The following ERBB4 variants were observed in gnomAD, a reference collection of about 807,000 sequenced individuals.
ERBB4 encodes the protein receptor tyrosine-protein kinase erbB-4.
In ERBB4, 42 loss-of-function variants were observed where a neutral mutation model predicts 158.0. That is an observed-to-expected ratio of 0.27 (90% CI 0.21 to 0.34). The LOEUF (loss-of-function observed/expected upper bound fraction) is 0.34. ERBB4 is among the 10% of genes least tolerant of loss of function. The probability of loss-of-function intolerance (pLI) is 1.00; values close to 1 mark genes in which losing one functional copy is unlikely to be tolerated. For synonymous variants in ERBB4, 583 were observed against 558.7 expected (o/e 1.04, Z -0.61); for missense variants, 1,333 against 1,624.1 (o/e 0.82, Z 3.08).
chr2:211,484,871 G>T (rs148228384), intron 20 of ERBB4, among the ~76,000 whole-genome samples: 1 of 152,214 alleles, frequency 6.6e-6, no homozygotes, highest in Non-Finnish European at 1.5e-5. Context: ...CCTAGGAAAG[G>T]CCCCCTTATT....
intron 5 of ERBB4, among the ~76,000 whole-genome samples, chr2:211,733,854 G>A (rs551906692): frequency 4.6e-5 from 7 of 151,172 alleles, no homozygotes; most frequent in Non-Finnish European, 1.0e-4. Context: ...GCAGAGGCAG[G>A]CGGATCACTT....
At chr2:212,488,257 A>T (rs1690085131) in intron 1 of ERBB4, among the ~76,000 whole-genome samples, 1 of 151,618 alleles carries the variant, frequency 6.6e-6, no homozygotes, top group African/African-American at 2.4e-5. Context: ...TGGCTTCTTG[A>T]ATACCACTCT....
intron 3 of ERBB4, among the ~76,000 whole-genome samples, chr2:211,925,370 A>C (rs911114939): frequency 6.7e-6 from 1 of 148,426 alleles, no homozygotes; most frequent in Non-Finnish European, 1.5e-5. Context: ...AACAAAAACA[A>C]GACTGCTTTT....
At chr2:212,301,087 G>A (rs953059366) in intron 1 of ERBB4, among the ~76,000 whole-genome samples, 2 of 149,470 alleles carry the variant, frequency 1.3e-5, no homozygotes, top group African/African-American at 4.9e-5. Flanking sequence ...GTACTTGGCT[G>A]GATCATTATT....
intron 3 of ERBB4, among the ~76,000 whole-genome samples, chr2:211,928,351 C>A (rs1013636581): frequency 2.6e-5 from 4 of 152,026 alleles, no homozygotes; most frequent in Non-Finnish European, 5.9e-5. Context: ...AACCCACTCA[C>A]CGCAGGGAAT....
chr2:212,164,980 T>TTTTTTTTTTTTTTTGAGAC (rs2081305105), intron 1 of ERBB4, among the ~76,000 whole-genome samples: 3 of 151,912 alleles, frequency 2.0e-5, no homozygotes, highest in African/African-American at 7.3e-5. Context: ...CATTTTTAAT[T>TTTTTTTTTTTTTTTGAGAC]GTCAAGTAAC....
At chr2:212,273,553 G>C (rs1187909654) in intron 1 of ERBB4, among the ~76,000 whole-genome samples, 2 of 151,734 alleles carry the variant, frequency 1.3e-5, no homozygotes, top group Non-Finnish European at 2.9e-5. Flanking sequence ...AATCACATTA[G>C]CAGGCCAGAA....
At chr2:212,244,937 C>T (rs1047736613) in intron 1 of ERBB4, among the ~76,000 whole-genome samples, 13 of 152,106 alleles carry the variant, frequency 8.5e-5, no homozygotes, top group African/African-American at 3.1e-4. Context: ...CTCACAACAA[C>T]CCAATGAAGT....
intron 20 of ERBB4, among the ~76,000 whole-genome samples, chr2:211,433,953 A>G (rs1469393316): frequency 1.3e-5 from 2 of 152,194 alleles, no homozygotes; most frequent in Non-Finnish European, 2.9e-5. Context: ...TACGTGTAAG[A>G]GTATCTGAAC....
At chr2:211,844,866 A>T (rs2077554395) in intron 3 of ERBB4, among the ~76,000 whole-genome samples, 1 of 152,188 alleles carries the variant, frequency 6.6e-6, no homozygotes, top group South Asian at 2.1e-4. Flanking sequence ...TCAGTGATGG[A>T]TAACCCACAC....
chr2:211,391,720 T>C (rs1015379636), intron 25 of ERBB4, among the ~76,000 whole-genome samples: 11 of 152,222 alleles, frequency 7.2e-5, no homozygotes, highest in African/African-American at 2.7e-4. Context: ...ACTTTTTAGT[T>C]GAATGATAAA....
chr2:211,615,354 A>C (rs2069346172), intron 19 of ERBB4, among the ~76,000 whole-genome samples: 2 of 152,012 alleles, frequency 1.3e-5, no homozygotes, highest in African/African-American at 4.8e-5. Context: ...AAAACAAAAA[A>C]CAACAAAAAA....
At chr2:212,018,217 T>A (rs970605815) in intron 2 of ERBB4, among the ~76,000 whole-genome samples, 4 of 152,062 alleles carry the variant, frequency 2.6e-5, no homozygotes, top group Admixed American at 2.6e-4. Flanking sequence ...ACTTACAGAG[T>A]CATCCAACAA....
At chr2:212,467,294 C>A (rs1275845438) in intron 1 of ERBB4, among the ~76,000 whole-genome samples, 1 of 152,200 alleles carries the variant, frequency 6.6e-6, no homozygotes. Flanking sequence ...GGGAAAATGT[C>A]TCCAGTGCAA....
chr2:212,275,097 T>C (rs1355939877), intron 1 of ERBB4, among the ~76,000 whole-genome samples: 2 of 152,004 alleles, frequency 1.3e-5, no homozygotes, highest in Non-Finnish European at 2.9e-5. Flanking sequence ...GCAAAGGATA[T>C]GAACTCATCC....
chr2:211,476,123 T>A (rs556888003), intron 20 of ERBB4, among the ~76,000 whole-genome samples: 1 of 152,226 alleles, frequency 6.6e-6, no homozygotes, highest in East Asian at 1.9e-4. Flanking sequence ...CTTGATAGAC[T>A]GACTTTAGAA....
intron 3 of ERBB4, among the ~76,000 whole-genome samples, chr2:211,866,590 T>C (rs934264955): frequency 6.6e-6 from 1 of 152,164 alleles, no homozygotes; most frequent in Non-Finnish European, 1.5e-5. Flanking sequence ...AGACTGTGCA[T>C]TCCTATTGTC....
At chr2:212,083,035 T>C (rs1471169914) in intron 2 of ERBB4, among the ~76,000 whole-genome samples, 1 of 151,964 alleles carries the variant, frequency 6.6e-6, no homozygotes, top group African/African-American at 2.4e-5. Flanking sequence ...TAACCTAGTA[T>C]CATATATGTT....
intron 13 of ERBB4, among the ~76,000 whole-genome samples, chr2:211,675,914 A>G (rs2072053450): frequency 6.6e-6 from 1 of 151,324 alleles, no homozygotes; most frequent in African/African-American, 2.4e-5. Context: ...CAACTCAGAT[A>G]AATAGACGAA....
Sources: allele counts gnomAD v4.1 joint callset (sites outside exome capture counted in the v4.1 genomes callset), GRCh38; gene constraint gnomAD v4.1.1; transcripts MANE v1.5; gene names NCBI Gene and HGNC (gene_info 2026-07-23, HGNC 2026-07-21).